The following TANC1 variants were observed in gnomAD, a reference collection of about 807,000 sequenced individuals.
The protein encoded by TANC1 is protein TANC1.
In TANC1, 77 loss-of-function variants were observed where a neutral mutation model predicts 149.7. That is an observed-to-expected ratio of 0.51 (90% CI 0.43 to 0.62). TANC1 has a LOEUF of 0.62. Ranked by LOEUF, TANC1 falls within the 20% of genes least tolerant of loss-of-function variation. The probability of loss-of-function intolerance (pLI) is 0.00; values close to 1 mark genes in which losing one functional copy is unlikely to be tolerated. For synonymous variants in TANC1, 854 were observed against 925.0 expected, an observed-to-expected ratio of 0.92 and a Z score of 1.39; for missense variants, 1,985 against 2,321.8, an observed-to-expected ratio of 0.85 and a Z score of 2.98.
chr2:159,142,479 G>A (rs2051483569), intron 5 of TANC1, among the ~76,000 whole-genome samples: 1 of 152,176 alleles, frequency 6.6e-6, no homozygotes, highest in South Asian at 2.1e-4. Flanking sequence ...TGTCCTTGAT[G>A]AAGCACTAAA....
chr2:159,059,904 G>GTA (rs1488291610), intron 2 of TANC1, among the ~76,000 whole-genome samples: 2 of 118,046 alleles, frequency 1.7e-5, no homozygotes, highest in Non-Finnish European at 3.2e-5. Context: ...GTGTGTGTGT[G>GTA]TGTGTGTGTG....
chr2:158,980,002 C>T (rs1193278097), intron 1 of TANC1, among the ~76,000 whole-genome samples: 3 of 152,162 alleles, frequency 2.0e-5, no homozygotes, highest in Admixed American at 1.3e-4. Context: ...ATCCATGTAA[C>T]TTAAGAGGGC....
intron 6 of TANC1, chr2:159,149,621 C>G (rs867787577): frequency 8.0e-6 from 2 of 248,594 alleles, no homozygotes; most frequent in African/African-American, 4.5e-5. Flanking sequence ...TTGGTATACG[C>G]TTTCCTGTGC....
intron 3 of TANC1, among the ~76,000 whole-genome samples, chr2:159,087,076 G>A (rs2044961979): frequency 6.6e-6 from 1 of 152,012 alleles, no homozygotes; most frequent in South Asian, 2.1e-4. Context: ...GGCAGCATCA[G>A]TTATTGCTTT....
rs139035117 is a variant in TANC1, at chr2:159,163,597, C to A, written c.946+51C>A. On this transcript the variant is annotated intron_variant, in intron 8 of 26. Transcript: ENST00000263635. ...GATTATCTCAGGGATACCAAGGTGCCCTGTGTTCACTGTCTTCACATGGGA... is the reference window on the plus strand; with the variant it reads ...GATTATCTCAGGGATACCAAGGTGCACTGTGTTCACTGTCTTCACATGGGA... 6.8e-5 allele frequency: 108 copies of A among 1,576,670 alleles called. No homozygotes were observed. In the African/African-American group the frequency reaches 1.3e-3, roughly 19 times the overall value.
Position 159,179,176 on chromosome 2 carries a change from C to T in TANC1, c.2510+13C>T, listed in dbSNP as rs372828501. On this transcript the variant is annotated intron_variant, in intron 14 of 26. Transcript: ENST00000263635. ...TGTGTGAGCCCAGGTACGGCAGGCGCTTTCTTTCAGCTCTTTGCAGGGAAT... is the reference window on the plus strand; with the variant it reads ...TGTGTGAGCCCAGGTACGGCAGGCGTTTTCTTTCAGCTCTTTGCAGGGAAT... The T allele has an allele frequency of 2.5e-6, 4 of 1,596,754 alleles. No homozygotes were observed. The African/African-American group carries it at 5.4e-5, about 22-fold the overall frequency.
At chr2:159,229,488 T>C in intron 26 of TANC1, 90 bp from the exon 27 acceptor site, 3 of 1,149,448 alleles carry the variant, frequency 2.6e-6, no homozygotes, top group Non-Finnish European at 3.7e-6. Context: ...CTACCTTCTC[T>C]TTCCTTTGAG....
rs570562305 is a variant in TANC1 at position 159,011,852 on chromosome 2, G to A, written c.-16+10663G>A. Among the ~76,000 whole-genome samples the A allele has an allele frequency of 1.3e-4, 20 of 152,326 alleles. 1 individual carries two copies. Among genetic ancestry groups the A allele is most frequent in the South Asian group, 1.0e-3 (5 of 4,830 alleles). On this transcript the variant is annotated intron_variant, in intron 2 of 26. Transcript: ENST00000263635. ...CCCTCCTGCTTCCTGGCAGTGTTGGGCCATCAAGGCTTCCCATGTGGGGCC... is the reference window on the plus strand; with the variant it reads ...CCCTCCTGCTTCCTGGCAGTGTTGGACCATCAAGGCTTCCCATGTGGGGCC...
intron 8 of TANC1, among the ~76,000 whole-genome samples, chr2:159,167,218 C>T (rs2054691546): frequency 6.6e-6 from 1 of 152,194 alleles, no homozygotes; most frequent in South Asian, 2.1e-4. Context: ...TGTTCTGGCT[C>T]TGAAATGAAT....
chr2:159,213,896 T>C (rs1471503857), intron 19 of TANC1, among the ~76,000 whole-genome samples: 2 of 151,814 alleles, frequency 1.3e-5, no homozygotes, highest in Admixed American at 6.6e-5. Flanking sequence ...GAGGCTAAGG[T>C]GGGCAGATCA....
At chr2:159,090,942 C>T (rs1438642107) in intron 3 of TANC1, among the ~76,000 whole-genome samples, 1 of 152,066 alleles carries the variant, frequency 6.6e-6, no homozygotes, top group Non-Finnish European at 1.5e-5. Flanking sequence ...GGCCTGGGTA[C>T]CTCCCAAAAG....
chr2:159,185,125 A>G (rs1262329705), intron 14 of TANC1, among the ~76,000 whole-genome samples: 1 of 152,234 alleles, frequency 6.6e-6, no homozygotes, highest in Non-Finnish European at 1.5e-5. Flanking sequence ...TTTACATTGC[A>G]TAGAAGTCAC....
At chr2:159,167,844 T>C (rs1244139107) in intron 8 of TANC1, among the ~76,000 whole-genome samples, 1 of 151,882 alleles carries the variant, frequency 6.6e-6, no homozygotes, top group Non-Finnish European at 1.5e-5. Context: ...TAGGGGGAAA[T>C]GGAAGGGTGC....
In TANC1 at chr2:159,186,798, C is replaced by G. The variant is rs749677358; in HGVS notation, c.2620-104C>G. ...CCGTGCCTTCTGCAGGTATCTGCACCCTCTGCGGCAGACCCACTTTCAGAG... is the reference window on the plus strand; with the variant it reads ...CCGTGCCTTCTGCAGGTATCTGCACGCTCTGCGGCAGACCCACTTTCAGAG... On this transcript the variant is annotated intron_variant, in intron 15 of 26. Transcript: ENST00000263635. 9.5e-6 allele frequency: 14 copies of G among 1,471,144 alleles called. No individual in the cohort carries two copies. The East Asian group carries it at 1.6e-4, about 17-fold the overall frequency. The allele number at this position is 1,471,144 out of a possible 1,614,324, so 91.1% of individuals were successfully genotyped here. A position where few individuals can be genotyped will look rare whatever the true frequency, so the allele number is the denominator to read the frequency against.
intron 2 of TANC1, among the ~76,000 whole-genome samples, chr2:159,010,154 GCTAGT>G (rs2037610001): frequency 6.6e-6 from 1 of 152,158 alleles, no homozygotes; most frequent in African/African-American, 2.4e-5. Context: ...TATGTAGGGA[GCTAGT>G]CTGGCAGTAT....
chr2:159,181,008 TC>T (rs1018284631), intron 14 of TANC1, among the ~76,000 whole-genome samples: 1 of 152,184 alleles, frequency 6.6e-6, no homozygotes, highest in African/African-American at 2.4e-5. Flanking sequence ...TAGCATTTCT[TC>T]CCCAACTCCC....
At chr2:159,028,120 A>G (rs529419313) in intron 2 of TANC1, among the ~76,000 whole-genome samples, 225 of 151,974 alleles carry the variant, frequency 1.5e-3, no homozygotes, top group African/African-American at 5.2e-3. Context: ...AGTATATGCT[A>G]ATTGCTTTTT....
chr2:159,170,450 A>C, intron 9 of TANC1, 74 bp from the exon 10 acceptor site: 1 of 1,367,050 alleles, frequency 7.3e-7, no homozygotes, highest in Non-Finnish European at 9.9e-7. Flanking sequence ...TGTAACACAC[A>C]AGCAATAATA....
chr2:158,973,718 G>A (rs1390836944), intron 1 of TANC1, among the ~76,000 whole-genome samples: 1 of 152,072 alleles, frequency 6.6e-6, no homozygotes, highest in African/African-American at 2.4e-5. Context: ...AGCTAGCCAG[G>A]GCAGTGTACA....
Sources: allele counts gnomAD v4.1 joint callset (sites outside exome capture counted in the v4.1 genomes callset), GRCh38; gene constraint gnomAD v4.1.1; transcripts MANE v1.5; gene names NCBI Gene and HGNC (gene_info 2026-07-23, HGNC 2026-07-21).